The following NMNAT1 variants were observed in gnomAD, a reference collection of about 807,000 sequenced individuals.
NMNAT1 encodes the protein nicotinamide/nicotinic acid mononucleotide adenylyltransferase 1.
In NMNAT1, 11 loss-of-function variants were observed where a neutral mutation model predicts 16.7. The ratio of observed to expected loss-of-function variants is 0.66; its 90% CI spans 0.41 to 1.09. NMNAT1 has a LOEUF of 1.09. Among genes scored for constraint, NMNAT1 ranks in the 50% least tolerant of loss-of-function variants. NMNAT1 has a pLI of 0.00. For synonymous variants in NMNAT1, 110 were observed against 119.8 expected, an observed-to-expected ratio of 0.92 and a Z score of 0.53; for missense variants, 280 against 332.3, an observed-to-expected ratio of 0.84 and a Z score of 1.22.
At chr1:9,974,967 A>G (rs1641773533) in intron 2 of NMNAT1, among the ~76,000 whole-genome samples, 1 of 152,190 alleles carries the variant, frequency 6.6e-6, no homozygotes, top group African/African-American at 2.4e-5. Flanking sequence ...AAGGCTTTTT[A>G]CAAAGTAATT....
At chr1:9,954,203 A>C (rs1641193899) in intron 1 of NMNAT1, among the ~76,000 whole-genome samples, 1 of 152,078 alleles carries the variant, frequency 6.6e-6, no homozygotes, top group Admixed American at 6.6e-5. Flanking sequence ...AATGTTGAGA[A>C]TAGAGACCAA....
At chr1:9,948,078 T>C (rs1376260763) in intron 1 of NMNAT1, among the ~76,000 whole-genome samples, 2 of 152,172 alleles carry the variant, frequency 1.3e-5, no homozygotes. Context: ...CCTAACTTAG[T>C]GCTGTGTCTG....
chr1:9,977,783 G>C (rs1327598827), intron 3 of NMNAT1, among the ~76,000 whole-genome samples: 2 of 151,936 alleles, frequency 1.3e-5, no homozygotes, highest in Admixed American at 6.6e-5. Flanking sequence ...GCCTGAGCCT[G>C]GGAGGCAGAG....
chr1:9,991,946 TC>T, the NMNAT1 span, among the ~76,000 whole-genome samples: 2 of 151,420 alleles, frequency 1.3e-5, no homozygotes, highest in Admixed American at 1.3e-4. Context: ...ACGCCTGTAA[TC>T]CCAGCTACTC....
At chr1:9,961,587 G>A (rs557961480) in intron 1 of NMNAT1, among the ~76,000 whole-genome samples, 1 of 152,308 alleles carries the variant, frequency 6.6e-6, no homozygotes, top group South Asian at 2.1e-4. Flanking sequence ...CAAGCCCCAA[G>A]TGAATCATGG....
chr1:9,964,541 G>A (rs1346331998), intron 1 of NMNAT1, among the ~76,000 whole-genome samples: 2 of 151,526 alleles, frequency 1.3e-5, no homozygotes, highest in South Asian at 4.2e-4. Flanking sequence ...ACAAGACCCC[G>A]TCTCAAAAAG....
downstream of NMNAT1, among the ~76,000 whole-genome samples, chr1:9,988,029 G>A (rs555215580): frequency 6.6e-6 from 1 of 152,064 alleles, no homozygotes; most frequent in East Asian, 1.9e-4. Context: ...ACAGAGTCTT[G>A]TTCTGTCACC....
At chr1:9,969,124 T>C (rs540365329) in intron 1 of NMNAT1, among the ~76,000 whole-genome samples, 6 of 152,194 alleles carry the variant, frequency 3.9e-5, no homozygotes, top group Admixed American at 3.9e-4. Flanking sequence ...TTGTAGAGTC[T>C]GACTAATCCA....
At chr1:9,991,003 C>G in the NMNAT1 span, among the ~76,000 whole-genome samples, 2 of 152,108 alleles carry the variant, frequency 1.3e-5, no homozygotes, top group Non-Finnish European at 2.9e-5. Context: ...GAAATTAAAT[C>G]CTGTCCATAA....
chr1:9,962,342 C>T (rs1416073166), intron 1 of NMNAT1, among the ~76,000 whole-genome samples: 1 of 151,398 alleles, frequency 6.6e-6, no homozygotes, highest in Non-Finnish European at 1.5e-5. Flanking sequence ...ATTAGCCCGG[C>T]GTAGTGGTGG....
At chr1:9,945,142 G>A (rs2101629470) in intron 1 of NMNAT1, among the ~76,000 whole-genome samples, 1 of 152,298 alleles carries the variant, frequency 6.6e-6, no homozygotes, top group East Asian at 1.9e-4. Flanking sequence ...GCTGAGGCAT[G>A]AGAATCGCTT....
intron 3 of NMNAT1, among the ~76,000 whole-genome samples, chr1:9,977,253 A>C (rs559949590): frequency 6.6e-5 from 10 of 150,914 alleles, no homozygotes; most frequent in African/African-American, 2.2e-4. Context: ...TTTAAACTTT[A>C]TTTTCTTTTT....
chr1:9,988,644 C>T (rs570706337), downstream of NMNAT1, among the ~76,000 whole-genome samples: 5 of 129,640 alleles, frequency 3.9e-5, no homozygotes, highest in South Asian at 1.2e-3. Context: ...GCAGAGGTTA[C>T]AGTGAGCCAA....
chr1:9,996,309 C>CA, the NMNAT1 span, among the ~76,000 whole-genome samples: 9,453 of 101,650 alleles, frequency 0.093, 546 homozygotes, highest in East Asian at 0.25. Context: ...GACTCCGTCT[C>CA]AAAAAAAAAA....
intron 1 of NMNAT1, among the ~76,000 whole-genome samples, chr1:9,949,022 CA>C (rs1336794088): frequency 6.6e-6 from 1 of 151,490 alleles, no homozygotes; most frequent in Admixed American, 6.6e-5. Flanking sequence ...GTAATCCCAG[CA>C]CTTTGGGAGG....
At chr1:9,975,371 T>C (rs192479447) in intron 2 of NMNAT1, among the ~76,000 whole-genome samples, 13 of 152,140 alleles carry the variant, frequency 8.5e-5, no homozygotes, top group African/African-American at 2.2e-4. Context: ...CATGGTGGCA[T>C]GCGCCCGTAA....
chr1:9,979,551 A>G (rs1369119300), intron 3 of NMNAT1, among the ~76,000 whole-genome samples: 1 of 152,154 alleles, frequency 6.6e-6, no homozygotes, highest in South Asian at 2.1e-4. Flanking sequence ...CTGTAATCCC[A>G]GCACTTTGGG....
At chr1:9,968,080 G>GTTTTTTTGTTTT (rs1553126648) in intron 1 of NMNAT1, among the ~76,000 whole-genome samples, 2 of 117,806 alleles carry the variant, frequency 1.7e-5, no homozygotes, top group South Asian at 2.8e-4. Context: ...TTTTTTTTTT[G>GTTTTTTTGTTTT]TTTTTTTTTG....
In NMNAT1 at chr1:9,943,816, G is replaced by A. The variant is rs549095180; in HGVS notation, c.-57+301G>A. On this transcript the variant is annotated intron_variant, in intron 1 of 4. Coordinates refer to ENST00000377205, the MANE Select transcript of NMNAT1 (RefSeq NM_022787.4). ...AACGGGGGACGGCTGGGCGTCAGAG[G>A]AGGAAATCCTTCATTCCGAACGACT... 2.0e-5 allele frequency among the ~76,000 whole-genome samples: 3 copies of A among 152,276 alleles called. No homozygotes were observed. The South Asian group carries it at 6.2e-4, about 32-fold the overall frequency.
Sources: gnomAD v4.1 joint callset for allele counts (sites outside exome capture counted in the v4.1 genomes callset) on GRCh38, gnomAD v4.1.1 for gene constraint, MANE v1.5 for transcripts, NCBI Gene and HGNC (gene_info 2026-07-23, HGNC 2026-07-21) for gene names.